Variants in GALNT12 observed in about 807,000 individuals in gnomAD.
The protein encoded by GALNT12 is UDP-GalNAc:polypeptide N-acetylgalactosaminyltransferase 12.
Under a neutral mutation model 55.5 loss-of-function variants are expected in GALNT12, and 45 were observed. The ratio of observed to expected loss-of-function variants is 0.81; its 90% CI spans 0.64 to 1.04. The LOEUF (loss-of-function observed/expected upper bound fraction) is 1.04, where lower values mean the gene tolerates loss of function less well. Ranked by LOEUF, GALNT12 falls within the 50% of genes least tolerant of loss-of-function variation. GALNT12 has a pLI of 0.00. For synonymous variants in GALNT12, 304 were observed against 312.2 expected (o/e 0.97, Z 0.28); for missense variants, 709 against 754.8 (o/e 0.94, Z 0.71).
chr9:98,819,551 C>G (rs796209442), intron 1 of GALNT12, among the ~76,000 whole-genome samples: 1 of 152,178 alleles, frequency 6.6e-6, no homozygotes, highest in African/African-American at 2.4e-5. Flanking sequence ...CTCAGATAAG[C>G]CTGTTCACAG....
chr9:98,817,086 G>A (rs988493283), intron 1 of GALNT12, among the ~76,000 whole-genome samples: 3 of 151,998 alleles, frequency 2.0e-5, no homozygotes, highest in Non-Finnish European at 4.4e-5. Flanking sequence ...TCGGCCTCCC[G>A]AAGTGCTGGG....
chr9:98,816,101 C>A (rs965691103), intron 1 of GALNT12, among the ~76,000 whole-genome samples: 4 of 151,932 alleles, frequency 2.6e-5, no homozygotes, highest in African/African-American at 7.3e-5. Flanking sequence ...TCTTCTTGTT[C>A]GACATTGAAA....
rs80256573 is a variant in GALNT12 at position 98,845,721 on chromosome 9, C to T, written c.1459-256C>T. On this transcript the variant is annotated intron_variant, in intron 8 of 9. Transcript: ENST00000375011. ...CACTGCAGGCAGGAGGTGACATGCA[C>T]CAGCCCTGTCTCCCTGTCTAGCAAG... Among the ~76,000 whole-genome samples the T allele has an allele frequency of 1.9e-3, 287 of 152,210 alleles. 2 individuals carry two copies. The highest frequency in any genetic ancestry group is 6.6e-3 in the African/African-American group (275 of 41,534).
intron 3 of GALNT12, among the ~76,000 whole-genome samples, chr9:98,828,524 G>C (rs1481431644): frequency 6.6e-6 from 1 of 152,202 alleles, no homozygotes; most frequent in African/African-American, 2.4e-5. Context: ...CTCTGCAGCT[G>C]ATGGATTAAT....
At chr9:98,829,948 T>C (rs1308279388) in intron 3 of GALNT12, among the ~76,000 whole-genome samples, 2 of 152,256 alleles carry the variant, frequency 1.3e-5, no homozygotes, top group East Asian at 1.9e-4. Flanking sequence ...AGTGCAGATA[T>C]ATTTTCGATA....
At chr9:98,838,559 C>G (rs1836212737) in intron 6 of GALNT12, among the ~76,000 whole-genome samples, 1 of 152,208 alleles carries the variant, frequency 6.6e-6, no homozygotes, top group African/African-American at 2.4e-5. Flanking sequence ...TGGTCCGGAT[C>G]CTTGCTCTGC....
At chr9:98,839,376 C>T (rs191273658) in intron 6 of GALNT12, among the ~76,000 whole-genome samples, 96 of 152,320 alleles carry the variant, frequency 6.3e-4, no homozygotes, top group African/African-American at 2.1e-3. Context: ...TATTTCTGCA[C>T]TCAGCATTTT....
intron 1 of GALNT12, among the ~76,000 whole-genome samples, chr9:98,820,519 T>A (rs1304792719): frequency 1.3e-5 from 2 of 152,242 alleles, no homozygotes; most frequent in African/African-American, 4.8e-5. Flanking sequence ...TTAGGTTGAG[T>A]CCATGTCTTT....
At chr9:98,812,985 T>C (rs1377052590) in intron 1 of GALNT12, among the ~76,000 whole-genome samples, 1 of 152,258 alleles carries the variant, frequency 6.6e-6, no homozygotes, top group African/African-American at 2.4e-5. Context: ...GTCTTGCTTT[T>C]AAACCAACAA....
intron 3 of GALNT12, 85 bp from the exon 4 acceptor site, chr9:98,831,687 C>A: frequency 6.9e-7 from 1 of 1,455,926 alleles, no homozygotes; most frequent in Non-Finnish European, 9.6e-7. Context: ...GGAAGGAAGA[C>A]AAGAATTCAC....
At chr9:98,832,082 T>C (rs1260964773) in intron 4 of GALNT12, 125 bp downstream of exon 4, 1 of 791,936 alleles carries the variant, frequency 1.3e-6, no homozygotes, top group African/African-American at 1.7e-5. Flanking sequence ...CTCTTCCCAC[T>C]TTTTTGCCCA....
At chr9:98,826,351 C>T (rs182439755) in intron 2 of GALNT12, among the ~76,000 whole-genome samples, 1 of 152,276 alleles carries the variant, frequency 6.6e-6, no homozygotes, top group Admixed American at 6.5e-5. Context: ...ATTAACATAA[C>T]TACTGTTTTT....
intron 3 of GALNT12, 46 bp from the exon 4 acceptor site, chr9:98,831,726 G>T (rs1347654825): frequency 6.2e-7 from 1 of 1,606,064 alleles, no homozygotes; most frequent in Non-Finnish European, 8.5e-7. Context: ...TCTTCCTGCT[G>T]CCCGTCTGCA....
rs188697236 is a variant in GALNT12, at chr9:98,834,359, G to C, written c.918-890G>C. 1.9e-3 allele frequency among the ~76,000 whole-genome samples: 296 copies of C among 152,302 alleles called. 1 individual carries two copies. Among genetic ancestry groups the C allele is most frequent in the Non-Finnish European group, 3.5e-3 (235 of 68,026 alleles). On this transcript the variant is annotated intron_variant, in intron 4 of 9. Transcript: ENST00000375011. ...TGGTCTTGAACTCCTGACCTCAGGAGATCTGCCCGCCTCAGCCTCCCAAAG... is the reference window on the plus strand; with the variant it reads ...TGGTCTTGAACTCCTGACCTCAGGACATCTGCCCGCCTCAGCCTCCCAAAG...
rs375470302 is a variant in GALNT12, at chr9:98,826,041, C to T, written c.542-711C>T. ...TTTATTTATAGACAGGCTCTCACTC[C>T]GGTGGCTGCTCTGGGCGGTAGTGTT... On this transcript the variant is annotated intron_variant, in intron 2 of 9. Coordinates refer to ENST00000375011, the MANE Select transcript of GALNT12 (RefSeq NM_024642.5). Among the ~76,000 whole-genome samples the T allele has an allele frequency of 3.2e-4, 49 of 152,216 alleles. 1 individual carries two copies. In the South Asian group the frequency reaches 8.1e-3, roughly 25 times the overall value.
chr9:98,818,325 C>A (rs929649208), intron 1 of GALNT12, among the ~76,000 whole-genome samples: 1 of 152,012 alleles, frequency 6.6e-6, no homozygotes, highest in Non-Finnish European at 1.5e-5. Flanking sequence ...CGGGTTCAAG[C>A]CATTCTCCTG....
chr9:98,832,752 G>A (rs1359102998), intron 4 of GALNT12, among the ~76,000 whole-genome samples: 2 of 152,040 alleles, frequency 1.3e-5, no homozygotes, highest in African/African-American at 4.8e-5. Context: ...TTTTGTACTT[G>A]GCTTCTTTGA....
At chr9:98,846,275 C>A in intron 9 of GALNT12, 152 bp downstream of exon 9, 1 of 1,015,062 alleles carries the variant, frequency 9.9e-7, no homozygotes, top group Non-Finnish European at 1.5e-6. Flanking sequence ...AACCTCAGTC[C>A]CAGTGAGCCT....
Position 98,849,265 on chromosome 9 carries a change from A to C in GALNT12, c.*173A>C, listed in dbSNP as rs1836495077. 1.5e-6 allele frequency: 1 copy of C among 667,990 alleles called. No homozygotes were observed. 41.4% of individuals were successfully genotyped at this position (667,990 alleles called of 1,614,324 possible). On this transcript the variant is annotated 3_prime_UTR_variant, in exon 10 of 10. Coordinates refer to ENST00000375011, the MANE Select transcript of GALNT12 (RefSeq NM_024642.5). ...TGTTGGATTTAGTAAAAATGTGAATAAGCTTTGTACTTATTTTGAGAACTT... is the reference window on the plus strand; with the variant it reads ...TGTTGGATTTAGTAAAAATGTGAATCAGCTTTGTACTTATTTTGAGAACTT...
Sources: allele counts gnomAD v4.1 joint callset (sites outside exome capture counted in the v4.1 genomes callset), GRCh38; gene constraint gnomAD v4.1.1; transcripts MANE v1.5; gene names NCBI Gene and HGNC (gene_info 2026-07-23, HGNC 2026-07-21).